Variants in KCNC2 observed in about 807,000 individuals in gnomAD.
KCNC2 encodes potassium voltage-gated channel subfamily C member 2, also known as voltage-gated potassium channel KCNC2.
A neutral mutation model predicts 44.5 loss-of-function variants in KCNC2; 21 were observed. That is an observed-to-expected ratio of 0.47 (90% CI 0.33 to 0.68). The LOEUF (loss-of-function observed/expected upper bound fraction) is 0.68, where lower values mean the gene tolerates loss of function less well. KCNC2 is among the 30% of genes least tolerant of loss of function. KCNC2 has a pLI of 0.01. For synonymous variants in KCNC2, 391 were observed against 339.1 expected, an observed-to-expected ratio of 1.15 and a Z score of -1.68; for missense variants, 589 against 826.2, an observed-to-expected ratio of 0.71 and a Z score of 3.52.
At chr12:75,120,106 G>C (rs1887949535) in intron 2 of KCNC2, among the ~76,000 whole-genome samples, 1 of 152,126 alleles carries the variant, frequency 6.6e-6, no homozygotes, top group South Asian at 2.1e-4. Flanking sequence ...GAATAAAACA[G>C]AAGGCTAAGT....
chr12:75,074,625 A>T (rs1883746889), intron 2 of KCNC2, among the ~76,000 whole-genome samples: 1 of 152,172 alleles, frequency 6.6e-6, no homozygotes, highest in African/African-American at 2.4e-5. Context: ...GTTGGACATG[A>T]TCTTAGAGAC....
At chr12:75,069,822 T>A (rs1022160870) in intron 2 of KCNC2, among the ~76,000 whole-genome samples, 24 of 152,130 alleles carry the variant, frequency 1.6e-4, no homozygotes, top group Non-Finnish European at 3.4e-4. Flanking sequence ...CCAGCTACAC[T>A]GTTTTCACCT....
At chr12:75,061,864 G>A (rs1054998115) in intron 2 of KCNC2, among the ~76,000 whole-genome samples, 6 of 151,980 alleles carry the variant, frequency 3.9e-5, no homozygotes, top group African/African-American at 1.2e-4. Context: ...TGTACCTGTT[G>A]TTCTGAGAAG....
At chr12:75,112,099 T>C (rs1887303062) in intron 2 of KCNC2, among the ~76,000 whole-genome samples, 1 of 151,984 alleles carries the variant, frequency 6.6e-6, no homozygotes, top group Admixed American at 6.6e-5. Context: ...TGTTACAATT[T>C]ATTTTTTGTT....
At chr12:75,061,104 A>G (rs1312589366) in intron 2 of KCNC2, among the ~76,000 whole-genome samples, 1 of 152,156 alleles carries the variant, frequency 6.6e-6, no homozygotes, top group Admixed American at 6.6e-5. Flanking sequence ...AGCTTGTAAC[A>G]GAGAGTTTTA....
At position 75,085,286 on chromosome 12, in the gene KCNC2, A is replaced by G. The variant is rs560327797; in HGVS notation, c.688-33969T>C. ...TATGTTACATATCTTGTATCAGAGC[A>G]TCCTTTCTATTATTCACCTTCCACC... is the stretch of plus-strand genomic sequence containing the variant. On this transcript the variant is annotated intron_variant, in intron 2 of 4. Coordinates refer to ENST00000549446, the MANE Select transcript of KCNC2 (RefSeq NM_139137.4). Among the ~76,000 whole-genome samples, 20 of 152,070 alleles carry G rather than the reference A, an allele frequency of 1.3e-4. No individual in the cohort carries two copies. In the East Asian group the frequency reaches 3.5e-3, roughly 27 times the overall value.
intron 2 of KCNC2, among the ~76,000 whole-genome samples, chr12:75,092,935 A>C (rs546214065): frequency 6.6e-6 from 1 of 151,362 alleles, no homozygotes; most frequent in Admixed American, 6.6e-5. Flanking sequence ...CAATCTGTTC[A>C]TCACTAATCT....
chr12:75,119,936 T>C (rs557051979), intron 2 of KCNC2, among the ~76,000 whole-genome samples: 63 of 152,300 alleles, frequency 4.1e-4, no homozygotes, highest in Middle Eastern at 3.4e-3. Flanking sequence ...ATAATTCTGA[T>C]TATCTTTAGA....
Position 75,207,215 on chromosome 12 carries a change from C to T in KCNC2, c.687+82G>A. 2.0e-6 allele frequency: 3 copies of T among 1,488,936 alleles called. No homozygotes were observed. The highest frequency in any genetic ancestry group is 2.7e-6 in the Non-Finnish European group (3 of 1,120,848). The allele number at this position is 1,488,936 out of a possible 1,614,324, so 92.2% of individuals were successfully genotyped here. ...CTCTTCTACCCCCCATGCCTGAGGC[C>T]CTGGGGTGGAAAAGAACAGAAAGTT... On this transcript the variant is annotated intron_variant, in intron 2 of 4. Coordinates refer to ENST00000549446, the MANE Select transcript of KCNC2 (RefSeq NM_139137.4). The surrounding 1 kb of genome is among the most constrained non-coding windows in gnomAD (Gnocchi z 4.1).
rs527662554 is a variant in KCNC2 at position 75,144,698 on chromosome 12, A to T, written c.687+62599T>A. ...CATTCCAGAGTTTCTTCACCATTTT[A>T]ATTTGTCCTTATTTATAGCCTAACT... On this transcript the variant is annotated intron_variant, in intron 2 of 4. Coordinates refer to ENST00000549446, the MANE Select transcript of KCNC2 (RefSeq NM_139137.4). Among the ~76,000 whole-genome samples the T allele has an allele frequency of 2.0e-5, 3 of 152,058 alleles. No individual in the cohort carries two copies. The South Asian group carries it at 6.2e-4, about 32-fold the overall frequency.
intron 2 of KCNC2, among the ~76,000 whole-genome samples, chr12:75,201,274 AAAAAAAAAAAAAAAAAAAAAAAAAC>A (rs1339795101): frequency 9.4e-6 from 1 of 106,342 alleles, no homozygotes. Flanking sequence ...AAAAAAAAAA[AAAAAAAAAAAAAAAAAAAAAAAAAC>A]CAGATTCTGG....
intron 2 of KCNC2, among the ~76,000 whole-genome samples, chr12:75,175,866 T>G (rs576339639): frequency 6.6e-6 from 1 of 152,096 alleles, no homozygotes; most frequent in Non-Finnish European, 1.5e-5. Flanking sequence ...CAGGTAATTA[T>G]GGGATGTCCA....
intron 2 of KCNC2, among the ~76,000 whole-genome samples, chr12:75,084,410 C>A (rs937599313): frequency 2.0e-5 from 3 of 151,826 alleles, no homozygotes; most frequent in Non-Finnish European, 2.9e-5. Context: ...CCAGAATTCC[C>A]ACGTGTTGCA....
chr12:75,133,440 C>T (rs541505806), intron 2 of KCNC2, among the ~76,000 whole-genome samples: 1 of 149,682 alleles, frequency 6.7e-6, no homozygotes, highest in East Asian at 1.9e-4. Flanking sequence ...GAAAACAATA[C>T]TACAGAACTG....
chr12:75,075,195 C>T (rs952108074), intron 2 of KCNC2, among the ~76,000 whole-genome samples: 4 of 151,998 alleles, frequency 2.6e-5, no homozygotes, highest in African/African-American at 9.7e-5. Context: ...TTTCAGAATT[C>T]TATTAAAATG....
chr12:75,098,037 T>A (rs1008320328), intron 2 of KCNC2, among the ~76,000 whole-genome samples: 6 of 152,080 alleles, frequency 3.9e-5, no homozygotes. Flanking sequence ...ATTATAAACA[T>A]GTATAATTAA....
chr12:75,077,206 A>G (rs1202084558), intron 2 of KCNC2, among the ~76,000 whole-genome samples: 2 of 152,228 alleles, frequency 1.3e-5, no homozygotes, highest in African/African-American at 4.8e-5. Context: ...CACGAGGACT[A>G]GCATTGCCAG....
intron 2 of KCNC2, among the ~76,000 whole-genome samples, chr12:75,054,975 T>C (rs1016753674): frequency 4.6e-5 from 7 of 152,298 alleles, no homozygotes; most frequent in African/African-American, 1.7e-4. Context: ...CTTTTGTTTC[T>C]GGCTCACTGA....
rs746501735 is a variant in KCNC2 at position 75,050,662 on chromosome 12, C to A, written c.1343G>T (p.Trp448Leu). 6.2e-7 allele frequency: 1 copy of A among 1,613,508 alleles called. No individual in the cohort carries two copies. The highest frequency in any genetic ancestry group is 1.3e-5 in the African/African-American group (1 of 74,978). Residue 448 changes from tryptophan to leucine, a missense_variant, in exon 3 of 5, where the codon TGG becomes TTG. Around this residue, in one of 7 missense-constraint regions of KCNC2, gnomAD observed 67 missense variants for 237.4 expected, o/e 0.28. Coordinates refer to ENST00000549446, the MANE Select transcript of KCNC2 (RefSeq NM_139137.4). ...LGYGDMYPQT[W>L]SGMLVGALCA... Reference sequence around the variant, plus strand: ...CAGGGCTCCCACCAGCATGCCTGACCATGTTTGGGGGTACATATCCCCATA... The same window carrying A: ...CAGGGCTCCCACCAGCATGCCTGACAATGTTTGGGGGTACATATCCCCATA...
Sources: gnomAD v4.1 joint callset for allele counts (sites outside exome capture counted in the v4.1 genomes callset) on GRCh38, gnomAD v4.1.1 for gene constraint, gnomAD v4.1.1 regional missense constraint, Gnocchi (gnomAD v3.1) non-coding constraint, MANE v1.5 for transcripts, NCBI Gene and HGNC (gene_info 2026-07-23, HGNC 2026-07-21) for gene names.